Variants in CABIN1 observed in about 807,000 individuals in gnomAD.
CABIN1 encodes calcineurin-binding protein cabin-1.
In CABIN1, 133 loss-of-function variants were observed where a neutral mutation model predicts 227.7. The ratio of observed to expected loss-of-function variants is 0.58; its 90% CI spans 0.51 to 0.67. The LOEUF (loss-of-function observed/expected upper bound fraction) is 0.67, where lower values mean the gene tolerates loss of function less well. Among genes scored for constraint, CABIN1 ranks in the 30% least tolerant of loss-of-function variants. The pLI is 0.00. For missense variants in CABIN1, 2,408 were observed against 2,852.5 expected (o/e 0.84, Z 3.55); for synonymous variants, 1,086 against 1,155.1 (o/e 0.94, Z 1.21).
rs574192333 is a variant in CABIN1 at position 24,049,227 on chromosome 22, C to G, written c.656+7C>G. On this transcript the variant is annotated splice_region_variant and intron_variant, in intron 7 of 36. Coordinates refer to ENST00000263119, the MANE Select transcript of CABIN1 (RefSeq NM_012295.4). ...TCAGAATGTTCCTCAAATGGTAAGT[C>G]CTGCCTCTTCCCATGCCATGTGTGC... 1.2e-6 allele frequency: 2 copies of G among 1,612,900 alleles called. No individual in the cohort carries two copies. Among genetic ancestry groups the G allele is most frequent in the Admixed American group, 3.3e-5 (2 of 60,016 alleles).
rs755699888 is a variant in CABIN1, at chr22:24,176,127, G to A, written c.6057G>A (p.Ala2019=). The part of the protein sequence containing the change: ...ASLGPEGEEL[A]RVAEGTSFPP... ...TCCCCACAGAGGGAGAAGAGCTGGC[G>A]AGAGTGGCAGAGGGCACCAGCTTCC... Residue 2019 remains alanine (A), a synonymous_variant, in exon 35 of 37, where the codon GCG becomes GCA. Transcript: ENST00000263119. The A allele has an allele frequency of 3.2e-5, 52 of 1,610,728 alleles. No homozygotes were observed. The East Asian group carries it at 8.9e-4, about 28-fold the overall frequency.
intron 26 of CABIN1, among the ~76,000 whole-genome samples, chr22:24,101,007 C>T (rs1019280471): frequency 2.6e-5 from 4 of 152,220 alleles, no homozygotes; most frequent in Non-Finnish European, 5.9e-5. Flanking sequence ...CACCCCACCT[C>T]TCTCCAGCTA....
At chr22:24,156,120 T>C (rs1243656867) in intron 29 of CABIN1, 4 of 402,246 alleles carry the variant, frequency 9.9e-6, no homozygotes, top group Non-Finnish European at 1.8e-5. Flanking sequence ...GGGCCGGGAC[T>C]GGGGCCGGGG....
chr22:24,104,526 G>T (rs569339848), intron 26 of CABIN1, among the ~76,000 whole-genome samples: 1 of 152,290 alleles, frequency 6.6e-6, no homozygotes, highest in African/African-American at 2.4e-5. Context: ...CCTCACCTGT[G>T]AGCACTGGCA....
intron 22 of CABIN1, among the ~76,000 whole-genome samples, chr22:24,086,077 GA>G (rs1601991248): frequency 6.6e-6 from 1 of 151,460 alleles, no homozygotes; most frequent in East Asian, 2.0e-4. Flanking sequence ...TAGATTGTGT[GA>G]AAGGTTCTCA....
At chr22:24,128,328 A>G (rs2043863262) in intron 28 of CABIN1, among the ~76,000 whole-genome samples, 1 of 152,068 alleles carries the variant, frequency 6.6e-6, no homozygotes, top group Non-Finnish European at 1.5e-5. Context: ...CAGCTTTTAC[A>G]CTAACTCCTT....
intron 29 of CABIN1, among the ~76,000 whole-genome samples, chr22:24,146,880 G>GTGCAGAATCTC (rs1212302833): frequency 6.6e-6 from 1 of 152,190 alleles, no homozygotes; most frequent in East Asian, 1.9e-4. Context: ...CTGCTAGGAG[G>GTGCAGAATCTC]TGCAGAATCT....
intron 19 of CABIN1, among the ~76,000 whole-genome samples, chr22:24,081,720 A>G (rs1046629532): frequency 1.0e-4 from 15 of 148,046 alleles, no homozygotes; most frequent in Non-Finnish European, 2.1e-4. Context: ...TCTTTTTTCT[A>G]TTTTTATTAT....
chr22:24,162,925 G>A (rs903086091), intron 29 of CABIN1, among the ~76,000 whole-genome samples: 14 of 152,180 alleles, frequency 9.2e-5, no homozygotes, highest in Admixed American at 2.0e-4. Flanking sequence ...GGTCTTCAGC[G>A]GGACGTACTG....
intron 6 of CABIN1, among the ~76,000 whole-genome samples, chr22:24,048,337 A>G (rs185048911): frequency 2.0e-5 from 3 of 152,002 alleles, no homozygotes; most frequent in South Asian, 2.1e-4. Flanking sequence ...TTGACCATCT[A>G]TGTAGTGGCT....
chr22:24,131,255 C>A (rs1220700993), intron 28 of CABIN1, among the ~76,000 whole-genome samples: 1 of 152,182 alleles, frequency 6.6e-6, no homozygotes, highest in Non-Finnish European at 1.5e-5. Context: ...CAAGTGCTGC[C>A]ACTTAAAGAG....
intron 3 of CABIN1, among the ~76,000 whole-genome samples, 184 bp from the exon 4 acceptor site, chr22:24,038,164 G>A (rs370158822): frequency 5.3e-5 from 8 of 152,130 alleles, no homozygotes; most frequent in South Asian, 4.1e-4. Context: ...TAAATCATTG[G>A]TGATCAGCTC....
intron 26 of CABIN1, among the ~76,000 whole-genome samples, chr22:24,105,976 G>A (rs1434174196): frequency 6.6e-6 from 1 of 152,184 alleles, no homozygotes; most frequent in Non-Finnish European, 1.5e-5. Flanking sequence ...TAGGGCCACA[G>A]GATCCCAAAG....
At chr22:24,145,057 T>A (rs968059257) in intron 29 of CABIN1, among the ~76,000 whole-genome samples, 1 of 152,200 alleles carries the variant, frequency 6.6e-6, no homozygotes, top group Non-Finnish European at 1.5e-5. Flanking sequence ...AGATGCAGCA[T>A]GAGGCACAGT....
At chr22:24,022,193 T>C (rs771513990) in intron 1 of CABIN1, among the ~76,000 whole-genome samples, 1 of 152,228 alleles carries the variant, frequency 6.6e-6, no homozygotes, top group Non-Finnish European at 1.5e-5. Context: ...TTTTGACACA[T>C]GTGTAGACTT....
At chr22:24,105,956 C>T (rs950135869) in intron 26 of CABIN1, among the ~76,000 whole-genome samples, 3 of 152,188 alleles carry the variant, frequency 2.0e-5, no homozygotes, top group Non-Finnish European at 4.4e-5. Flanking sequence ...CATGTCAGCC[C>T]ATTTGAACCT....
At chr22:24,049,476 G>A (rs1338008608) in intron 7 of CABIN1, among the ~76,000 whole-genome samples, 1 of 152,138 alleles carries the variant, frequency 6.6e-6, no homozygotes, top group African/African-American at 2.4e-5. Flanking sequence ...AGCTTTCAGT[G>A]TTCGCTAGCT....
At chr22:24,163,651 C>T (rs568892969) in intron 29 of CABIN1, among the ~76,000 whole-genome samples, 1 of 152,302 alleles carries the variant, frequency 6.6e-6, no homozygotes, top group African/African-American at 2.4e-5. Flanking sequence ...GTTTCCTCAT[C>T]ACTCACTCCC....
intron 10 of CABIN1, among the ~76,000 whole-genome samples, chr22:24,056,953 T>C (rs76491539): frequency 6.6e-6 from 1 of 152,080 alleles, no homozygotes; most frequent in African/African-American, 2.4e-5. Context: ...CTTTTTTTTT[T>C]TGAGACGGAG....
Sources: gnomAD v4.1 joint callset for allele counts (sites outside exome capture counted in the v4.1 genomes callset) on GRCh38, gnomAD v4.1.1 for gene constraint, MANE v1.5 for transcripts, NCBI Gene and HGNC (gene_info 2026-07-23, HGNC 2026-07-21) for gene names.